Variants in KRT8 observed in about 807,000 individuals in gnomAD.
KRT8 encodes the protein keratin 8.
In KRT8, 24 loss-of-function variants were observed where a neutral mutation model predicts 43.0. That is an observed-to-expected ratio of 0.56 (90% CI 0.40 to 0.78). The LOEUF (loss-of-function observed/expected upper bound fraction) is 0.78, where lower values mean the gene tolerates loss of function less well. Ranked by LOEUF, KRT8 falls within the 30% of genes least tolerant of loss-of-function variation. KRT8 has a pLI of 0.00. For missense variants in KRT8, 492 were observed against 638.4 expected (o/e 0.77, Z 2.47); for synonymous variants, 214 against 261.2 (o/e 0.82, Z 1.74).
At chr12:52,913,792 G>A (rs771856899) in intron 2 of KRT8, among the ~76,000 whole-genome samples, 5 of 152,160 alleles carry the variant, frequency 3.3e-5, no homozygotes, top group East Asian at 1.9e-4. Flanking sequence ...ACCTTCCTAC[G>A]AACGTCACAC....
chr12:52,949,829 G>A lies in KRT8; in HGVS notation c.-291C>T, dbSNP rs867557553. ...GGACAGGGTTGAGAGCTTTACAGAGGAAGTGGACAGCATGGAGGGAGGTAA... is the reference window on the plus strand; with the variant it reads ...GGACAGGGTTGAGAGCTTTACAGAGAAAGTGGACAGCATGGAGGGAGGTAA... On this transcript the variant is annotated 5_prime_UTR_variant, in exon 1 of 7. Transcript: ENST00000546826. 10 of 703,982 alleles carry A rather than the reference G, an allele frequency of 1.4e-5. No individual in the cohort carries two copies. The Middle Eastern group carries it at 6.9e-4, about 49-fold the overall frequency. 43.6% of individuals were successfully genotyped at this position (703,982 alleles called of 1,614,324 possible).
chr12:52,944,705 A>G lies in KRT8; in HGVS notation c.-47+4751T>C, dbSNP rs554283726. Reference sequence around the variant, plus strand: ...CAGCGCTGACCCTTCCTCTTCCTTTATCCTTGGAAAATAACCCCTAGGGCA... The same window carrying G: ...CAGCGCTGACCCTTCCTCTTCCTTTGTCCTTGGAAAATAACCCCTAGGGCA... On this transcript the variant is annotated intron_variant, in intron 2 of 6. Transcript: ENST00000546826. 2.0e-5 allele frequency among the ~76,000 whole-genome samples: 3 copies of G among 152,254 alleles called. No individual in the cohort carries two copies. The South Asian group carries it at 6.2e-4, about 32-fold the overall frequency.
intron 2 of KRT8, among the ~76,000 whole-genome samples, chr12:52,919,013 G>A (rs1364990444): frequency 1.3e-5 from 2 of 152,150 alleles, no homozygotes; most frequent in Non-Finnish European, 2.9e-5. Context: ...GTAACTAGGA[G>A]GTGGCAATTG....
chr12:52,949,375 G>A (rs1260779156), intron 2 of KRT8: 4 of 1,610,754 alleles, frequency 2.5e-6, no homozygotes, highest in Non-Finnish European at 2.5e-6. Context: ...CACCGGGATA[G>A]CCGGGGGTCT....
chr12:52,921,529 C>T (rs953834156), intron 2 of KRT8, among the ~76,000 whole-genome samples: 25 of 152,098 alleles, frequency 1.6e-4, no homozygotes, highest in Admixed American at 1.6e-3. Flanking sequence ...ACTGCCAGCT[C>T]CTGCACAAAC....
At chr12:52,911,581 C>T (rs1455585541), upstream of KRT8, among the ~76,000 whole-genome samples, 3 of 152,150 alleles carry the variant, frequency 2.0e-5, no homozygotes, top group African/African-American at 7.2e-5. Flanking sequence ...TTCATTTAAC[C>T]TTCGTAAGAA....
chr12:52,907,796 GC>G (rs968233415), upstream of KRT8, among the ~76,000 whole-genome samples: 11 of 152,218 alleles, frequency 7.2e-5, no homozygotes, highest in African/African-American at 2.4e-4. Flanking sequence ...GCCAGAGTTG[GC>G]CTCTCTGATG....
At chr12:52,924,306 G>A (rs927284756) in intron 2 of KRT8, among the ~76,000 whole-genome samples, 1 of 151,936 alleles carries the variant, frequency 6.6e-6, no homozygotes, top group Admixed American at 6.6e-5. Flanking sequence ...AAAATTAGGC[G>A]GGCATGGTGG....
At chr12:52,944,478 G>C (rs1179462628) in intron 2 of KRT8, among the ~76,000 whole-genome samples, 1 of 152,158 alleles carries the variant, frequency 6.6e-6, no homozygotes, top group Non-Finnish European at 1.5e-5. Flanking sequence ...CGATAGGCTG[G>C]GGGATATGGC....
At chr12:52,921,185 C>T (rs141941228) in intron 2 of KRT8, among the ~76,000 whole-genome samples, 69 of 152,306 alleles carry the variant, frequency 4.5e-4, no homozygotes, top group African/African-American at 1.5e-3. Context: ...TTATGCATTC[C>T]CTACAGAACT....
intron 2 of KRT8, among the ~76,000 whole-genome samples, chr12:52,932,490 G>T (rs1213315401): frequency 6.6e-6 from 1 of 151,914 alleles, no homozygotes; most frequent in African/African-American, 2.4e-5. Context: ...TTTTCTTTCT[G>T]ACCTCTTCCC....
upstream of KRT8, among the ~76,000 whole-genome samples, chr12:52,908,402 A>G (rs1212361372): frequency 6.6e-6 from 1 of 152,200 alleles, no homozygotes; most frequent in Non-Finnish European, 1.5e-5. Context: ...AAGAGTGGGA[A>G]CAAAACAAAT....
intron 2 of KRT8, among the ~76,000 whole-genome samples, chr12:52,933,892 T>G (rs1158408588): frequency 6.6e-6 from 1 of 151,072 alleles, no homozygotes; most frequent in Non-Finnish European, 1.5e-5. Context: ...CCCAAAGTGC[T>G]AGGATTTTAG....
At chr12:52,937,356 G>C (rs1942184186) in intron 2 of KRT8, among the ~76,000 whole-genome samples, 1 of 150,116 alleles carries the variant, frequency 6.7e-6, no homozygotes, top group South Asian at 2.1e-4. Flanking sequence ...CTGGGCAACA[G>C]AACAAGACTC....
exon 1 of KRT8, chr12:52,904,861 C>T (rs1267862887): frequency 6.2e-7 from 1 of 1,612,690 alleles, no homozygotes; most frequent in Admixed American, 1.7e-5. Flanking sequence ...CTGCTGCCCA[C>T]TCGGGAGAAG....
chr12:52,940,584 T>G, intron 2 of KRT8, among the ~76,000 whole-genome samples: 1 of 149,578 alleles, frequency 6.7e-6, no homozygotes, highest in Non-Finnish European at 1.5e-5. Flanking sequence ...GGAGGAGGTG[T>G]GGGGGTGAGC....
chr12:52,914,498 T>G (rs1941698044), intron 2 of KRT8, among the ~76,000 whole-genome samples: 1 of 152,078 alleles, frequency 6.6e-6, no homozygotes, highest in African/African-American at 2.4e-5. Context: ...GATCATACCA[T>G]TGCACTCCAG....
upstream of KRT8, among the ~76,000 whole-genome samples, chr12:52,908,287 G>A (rs188956949): frequency 9.1e-4 from 138 of 152,150 alleles, no homozygotes; most frequent in South Asian, 6.3e-3. Flanking sequence ...GTGCAGTGGC[G>A]CAATCTCGGC....
At chr12:52,929,392 C>T (rs1285907205) in intron 2 of KRT8, among the ~76,000 whole-genome samples, 4 of 152,124 alleles carry the variant, frequency 2.6e-5, no homozygotes, top group African/African-American at 9.7e-5. Context: ...CAGGGTTTCA[C>T]CATGTTGGCC....
Sources: allele counts gnomAD v4.1 joint callset (sites outside exome capture counted in the v4.1 genomes callset), GRCh38; gene constraint gnomAD v4.1.1; transcripts MANE v1.5; gene names NCBI Gene and HGNC (gene_info 2026-07-23, HGNC 2026-07-21).